Variants in DGKQ observed in about 807,000 individuals in gnomAD.
DGKQ encodes DAG kinase theta.
Under a neutral mutation model 104.2 loss-of-function variants are expected in DGKQ, and 97 were observed. The observed-to-expected ratio is 0.93, with a 90% confidence interval of 0.79 to 1.10. The LOEUF (loss-of-function observed/expected upper bound fraction) is 1.10. Among genes scored for constraint, DGKQ ranks in the 50% least tolerant of loss-of-function variants. DGKQ has a pLI of 0.00. For synonymous variants in DGKQ, 736 were observed against 595.2 expected (o/e 1.24, Z -3.44); for missense variants, 1,465 against 1,352.1 (o/e 1.08, Z -1.31).
intron 19 of DGKQ, 42 bp from the exon 20 acceptor site, chr4:961,876 A>G: frequency 6.3e-7 from 1 of 1,595,150 alleles, no homozygotes. Context: ...GGGAAGCCCT[A>G]CCCCGCCTTA....
chr4:962,092 G>A lies in DGKQ; in HGVS notation c.2215-10C>T, dbSNP rs935488431. ...TACTCATCTGCACGATCTGGGGACA[G>A]GGCGTTCATCTCCCAGGACCCGGCC... On this transcript the variant is annotated splice_polypyrimidine_tract_variant and intron_variant, in intron 18 of 22. Transcript: ENST00000273814. 2.6e-5 allele frequency: 42 copies of A among 1,607,932 alleles called. No individual in the cohort carries two copies. Among genetic ancestry groups the A allele is most frequent in the Admixed American group, 6.7e-5 (4 of 59,988 alleles).
Sources: allele counts gnomAD v4.1 joint callset, GRCh38; gene constraint gnomAD v4.1.1; transcripts MANE v1.5; gene names NCBI Gene and HGNC (gene_info 2026-07-23, HGNC 2026-07-21).